CDK17: variants seen among roughly 807,000 people sequenced by gnomAD.
CDK17 encodes cyclin-dependent kinase 17.
In CDK17, 24 loss-of-function variants were observed where a neutral mutation model predicts 77.6. The observed-to-expected ratio is 0.31, with a 90% CI of 0.22 to 0.44. The LOEUF is 0.44. Ranked by LOEUF, CDK17 falls within the 20% of genes least tolerant of loss-of-function variation. The pLI, the probability that CDK17 is intolerant of heterozygous loss-of-function variation, is 1.00. For missense variants in CDK17, 429 were observed against 622.5 expected (o/e 0.69, Z 3.31); for synonymous variants, 203 against 210.4 (o/e 0.96, Z 0.30).
chr12:96,336,760 TTA>T (rs1245563993), intron 1 of CDK17, among the ~76,000 whole-genome samples: 1 of 152,218 alleles, frequency 6.6e-6, no homozygotes, highest in Non-Finnish European at 1.5e-5. Flanking sequence ...GCTCTTAGTT[TTA>T]GTTACTATAT....
At chr12:96,376,157 C>T (rs1418461368) in intron 1 of CDK17, among the ~76,000 whole-genome samples, 1 of 152,184 alleles carries the variant, frequency 6.6e-6, no homozygotes, top group South Asian at 2.1e-4. Flanking sequence ...ATAAGAGCTA[C>T]AAAAAACTTC....
intron 1 of CDK17, among the ~76,000 whole-genome samples, chr12:96,365,292 G>C (rs907998737): frequency 2.0e-5 from 3 of 152,068 alleles, no homozygotes; most frequent in African/African-American, 7.2e-5. Context: ...GGAGTTTACA[G>C]AGTCTTTACA....
chr12:96,365,842 G>C (rs1047982804), intron 1 of CDK17, among the ~76,000 whole-genome samples: 3 of 152,210 alleles, frequency 2.0e-5, no homozygotes, highest in African/African-American at 7.2e-5. Context: ...AGGAGTTCAA[G>C]ACCAGCTGGA....
intron 1 of CDK17, among the ~76,000 whole-genome samples, chr12:96,347,175 T>C (rs1441907833): frequency 6.6e-6 from 1 of 151,938 alleles, no homozygotes; most frequent in Admixed American, 6.6e-5. Flanking sequence ...AAAAACAGAA[T>C]TGAAAGGAGA....
rs1367340529 is a variant in CDK17, at chr12:96,279,394, AAAGC to A, written c.*844_*847del. On this transcript the variant is annotated 3_prime_UTR_variant, in exon 17 of 17. Transcript: ENST00000261211. The stretch of plus-strand genomic sequence containing the variant: ...TAAAATAAATGTATTTAAAACAAAC[AAAGC>A]AAGACCTTTCGCGTTTGAACAGACT... The A allele has an allele frequency of 6.6e-6, 1 of 152,268 alleles. No homozygotes were observed. The highest frequency in any genetic ancestry group is 1.9e-4 in the East Asian group (1 of 5,184). The allele number at this position is 152,268 out of a possible 1,614,324, so 9.4% of individuals were successfully genotyped here. A position where few individuals can be genotyped will look rare whatever the true frequency, so the allele number is the denominator to read the frequency against.
chr12:96,341,184 ATAGAT>A (rs1377433376), intron 1 of CDK17, among the ~76,000 whole-genome samples: 1 of 152,164 alleles, frequency 6.6e-6, no homozygotes, highest in Non-Finnish European at 1.5e-5. Flanking sequence ...GAATATTAAG[ATAGAT>A]TAAACAGTGT....
At chr12:96,333,198 G>A (rs1038563618) in intron 2 of CDK17, among the ~76,000 whole-genome samples, 1 of 152,178 alleles carries the variant, frequency 6.6e-6, no homozygotes, top group East Asian at 1.9e-4. Context: ...GAGAATTAAG[G>A]ATTTTGCTCT....
In CDK17 at chr12:96,282,592, G is replaced by T; in HGVS notation, c.1373C>A (p.Ser458Tyr). The T allele has an allele frequency of 1.2e-6, 2 of 1,608,464 alleles. No homozygotes were observed. The highest frequency in any genetic ancestry group is 1.3e-5 in the African/African-American group (1 of 74,912). ...ELITKFLQYE[S>Y]KKRVSAEEAM... is the part of the protein sequence containing the mutation. ...CTCTTCAGCTGAAACCCTTTTCTTA[G>T]ATTCATACTGTGAAAAAGCAAAGAA... is the stretch of plus-strand genomic sequence containing the variant. Residue 458 changes from serine to tyrosine, a missense_variant, in exon 15 of 17, where the codon TCT (serine) becomes TAT (tyrosine). Ser to Tyr is a moderately radical substitution (Grantham distance 144). Coordinates refer to ENST00000261211, the MANE Select transcript of CDK17 (RefSeq NM_002595.5).
intron 1 of CDK17, among the ~76,000 whole-genome samples, chr12:96,361,480 G>A (rs946975851): frequency 2.0e-5 from 3 of 152,168 alleles, no homozygotes; most frequent in African/African-American, 7.2e-5. Flanking sequence ...CAATGGGTAA[G>A]TCTGAAGCTG....
chr12:96,328,546 G>C (rs1247016298), intron 2 of CDK17, among the ~76,000 whole-genome samples: 1 of 152,062 alleles, frequency 6.6e-6, no homozygotes, highest in African/African-American at 2.4e-5. Context: ...TGGGGGTTGG[G>C]GGCAGGGAGG....
chr12:96,296,420 T>A (rs1158736044), intron 9 of CDK17, among the ~76,000 whole-genome samples: 1 of 152,244 alleles, frequency 6.6e-6, no homozygotes, highest in Non-Finnish European at 1.5e-5. Flanking sequence ...CAATGTGTTA[T>A]CCATATGTTC....
chr12:96,388,272 T>C (rs1954010317), intron 1 of CDK17, among the ~76,000 whole-genome samples: 1 of 152,210 alleles, frequency 6.6e-6, no homozygotes, highest in South Asian at 2.1e-4. Flanking sequence ...TGGTTGGCCC[T>C]AAGGAAAGCT....
At chr12:96,294,926 G>T in intron 10 of CDK17, 73 bp downstream of exon 10, 1 of 1,283,500 alleles carries the variant, frequency 7.8e-7, no homozygotes, top group South Asian at 1.5e-5. Context: ...GGCACATTAT[G>T]ACAGTGGTTG....
intron 5 of CDK17, among the ~76,000 whole-genome samples, chr12:96,306,361 G>A (rs1213650824): frequency 6.6e-6 from 1 of 151,342 alleles, no homozygotes; most frequent in Non-Finnish European, 1.5e-5. Context: ...GAGGCCAGGA[G>A]TTCAAGACAA....
intron 4 of CDK17, among the ~76,000 whole-genome samples, chr12:96,312,087 G>A (rs1565814697): frequency 6.6e-6 from 1 of 152,140 alleles, no homozygotes; most frequent in Non-Finnish European, 1.5e-5. Context: ...ACTTTGGGAA[G>A]CCAATATGGT....
chr12:96,364,173 T>C (rs1316698616), intron 1 of CDK17, among the ~76,000 whole-genome samples: 4 of 152,298 alleles, frequency 2.6e-5, no homozygotes, highest in South Asian at 2.1e-4. Flanking sequence ...TTAACAAACA[T>C]TGGGTTGTTT....
chr12:96,325,375 C>T (rs1952879472), intron 2 of CDK17, among the ~76,000 whole-genome samples: 1 of 152,186 alleles, frequency 6.6e-6, no homozygotes, highest in Admixed American at 6.5e-5. Flanking sequence ...CAGGGGATTC[C>T]TCTACCTGTT....
At chr12:96,355,098 C>G (rs1045447823) in intron 1 of CDK17, among the ~76,000 whole-genome samples, 1 of 152,092 alleles carries the variant, frequency 6.6e-6, no homozygotes, top group African/African-American at 2.4e-5. Context: ...TTATGAGGTC[C>G]TGATAAGCCT....
At chr12:96,305,673 T>G (rs1255827933) in intron 5 of CDK17, among the ~76,000 whole-genome samples, 1 of 152,080 alleles carries the variant, frequency 6.6e-6, no homozygotes, top group Non-Finnish European at 1.5e-5. Flanking sequence ...ATAGGTAGAT[T>G]TGCAAGTTTG....
Sources: allele counts gnomAD v4.1 joint callset (sites outside exome capture counted in the v4.1 genomes callset), GRCh38; gene constraint gnomAD v4.1.1; transcripts MANE v1.5; gene names NCBI Gene and HGNC (gene_info 2026-07-23, HGNC 2026-07-21).